THSD7B: variants seen among roughly 807,000 people sequenced by gnomAD.
The protein encoded by THSD7B is thrombospondin type 1 domain containing 7B.
THSD7B carries 138 observed loss-of-function variants against 213.6 expected under a neutral mutation model. The ratio of observed to expected loss-of-function variants is 0.65; its 90% CI spans 0.56 to 0.74. The LOEUF (loss-of-function observed/expected upper bound fraction) is 0.74. Among genes scored for constraint, THSD7B ranks in the 30% least tolerant of loss-of-function variants. The pLI is 0.00. For synonymous variants in THSD7B, 742 were observed against 687.0 expected (o/e 1.08, Z -1.25); for missense variants, 1,931 against 1,991.5 (o/e 0.97, Z 0.58).
intron 1 of THSD7B, among the ~76,000 whole-genome samples, chr2:136,871,702 C>T (rs546063626): frequency 2.6e-5 from 4 of 152,084 alleles, no homozygotes; most frequent in Non-Finnish European, 4.4e-5. Context: ...AGAAAGAAGC[C>T]GCATAAGTAA....
intron 2 of THSD7B, among the ~76,000 whole-genome samples, chr2:136,959,930 T>C (rs1685188588): frequency 6.6e-6 from 1 of 152,178 alleles, no homozygotes; most frequent in Non-Finnish European, 1.5e-5. Flanking sequence ...AGGAAGACAT[T>C]CTTAAATCAG....
At chr2:137,514,599 A>G (rs781273233) in intron 15 of THSD7B, among the ~76,000 whole-genome samples, 3 of 152,162 alleles carry the variant, frequency 2.0e-5, no homozygotes, top group African/African-American at 2.4e-5. Flanking sequence ...TTTTGGTACC[A>G]AGAGTGGTTC....
intron 12 of THSD7B, among the ~76,000 whole-genome samples, chr2:137,391,504 A>C (rs1328462654): frequency 6.6e-6 from 1 of 152,100 alleles, no homozygotes; most frequent in Admixed American, 6.5e-5. Flanking sequence ...CCTGGCCAAC[A>C]TAGTGAAGCC....
At chr2:137,310,066 C>G (rs1683856711) in intron 12 of THSD7B, among the ~76,000 whole-genome samples, 1 of 151,142 alleles carries the variant, frequency 6.6e-6, no homozygotes. Context: ...GTTCTAGATC[C>G]CTGAGGAATC....
intron 17 of THSD7B, among the ~76,000 whole-genome samples, chr2:137,600,448 T>C (rs1682054493): frequency 6.6e-6 from 1 of 152,176 alleles, no homozygotes; most frequent in Non-Finnish European, 1.5e-5. Context: ...TTTTAAAAGT[T>C]AACTACAGAC....
chr2:137,226,868 T>G (rs980703167), intron 7 of THSD7B, among the ~76,000 whole-genome samples: 4 of 152,174 alleles, frequency 2.6e-5, no homozygotes, highest in Admixed American at 2.6e-4. Flanking sequence ...ATAAACACAT[T>G]TCAGTATATA....
intron 2 of THSD7B, among the ~76,000 whole-genome samples, chr2:136,970,318 G>C (rs1200894509): frequency 6.6e-6 from 1 of 151,894 alleles, no homozygotes; most frequent in Non-Finnish European, 1.5e-5. Context: ...ACAAAAATTA[G>C]CCAGGCCTGG....
At chr2:137,206,427 A>T (rs1235448399) in intron 7 of THSD7B, among the ~76,000 whole-genome samples, 4 of 152,090 alleles carry the variant, frequency 2.6e-5, no homozygotes, top group African/African-American at 9.7e-5. Context: ...ACATGTAGCT[A>T]GTTGCCACTC....
chr2:137,139,090 A>G (rs551015143), intron 5 of THSD7B, among the ~76,000 whole-genome samples: 1 of 151,976 alleles, frequency 6.6e-6, no homozygotes, highest in Non-Finnish European at 1.5e-5. Flanking sequence ...TTTCAATTTT[A>G]TATTGGTTTT....
chr2:137,044,700 TTC>T (rs1686939596), intron 2 of THSD7B, among the ~76,000 whole-genome samples: 1 of 152,170 alleles, frequency 6.6e-6, no homozygotes, highest in Non-Finnish European at 1.5e-5. Flanking sequence ...GTCCCTCTTT[TTC>T]TCTCTCTCAG....
intron 17 of THSD7B, among the ~76,000 whole-genome samples, chr2:137,605,413 G>A (rs1303910338): frequency 1.3e-5 from 2 of 152,186 alleles, no homozygotes; most frequent in East Asian, 3.9e-4. Context: ...ACTTAACAGT[G>A]TCAGGCACAT....
rs1022821172 is a variant in THSD7B, at chr2:137,272,441, ATC to A, written c.2267-82_2267-81del. On this transcript the variant is annotated intron_variant, in intron 10 of 27. Coordinates refer to ENST00000409968, the MANE Select transcript of THSD7B (RefSeq NM_001316349.2). ...TTGACTTTCCACATGTGCTTACTTT[ATC>A]TCTCTCTCTTTTTTTTCAATTGCTA... The A allele has an allele frequency of 4.9e-4, 651 of 1,320,636 alleles. 4 individuals carry two copies. The highest frequency in any genetic ancestry group is 9.6e-5 in the Non-Finnish European group (95 of 987,834). 81.8% of individuals were successfully genotyped at this position (1,320,636 alleles called of 1,614,324 possible). A position where few individuals can be genotyped will look rare whatever the true frequency, so the allele number is the denominator to read the frequency against.
At position 137,136,794 on chromosome 2, in the gene THSD7B, A is replaced by G. The variant is rs113332629; in HGVS notation, c.1369+21501A>G. 5.7e-3 allele frequency among the ~76,000 whole-genome samples: 865 copies of G among 152,300 alleles called. 2 individuals carry two copies. The highest frequency in any genetic ancestry group is 9.1e-3 in the Non-Finnish European group (617 of 68,022). On this transcript the variant is annotated intron_variant, in intron 5 of 27. Transcript: ENST00000409968. The stretch of plus-strand genomic sequence containing the variant: ...TATGTCATTTTCTTCTTTAAATGCA[A>G]AACTTTCATCTTAATTTTTTTCTGA...
chr2:137,053,396 C>A (rs1269119263), intron 2 of THSD7B, among the ~76,000 whole-genome samples: 1 of 151,826 alleles, frequency 6.6e-6, no homozygotes, highest in Non-Finnish European at 1.5e-5. Flanking sequence ...AAAAATTTTG[C>A]TGCTTGATGA....
intron 3 of THSD7B, among the ~76,000 whole-genome samples, chr2:137,078,048 A>G (rs1425271186): frequency 2.6e-5 from 4 of 152,222 alleles, no homozygotes; most frequent in Non-Finnish European, 5.9e-5. Flanking sequence ...ACATTTGGCT[A>G]GCCAGTTTTC....
intron 15 of THSD7B, among the ~76,000 whole-genome samples, chr2:137,543,056 G>A (rs1680638056): frequency 6.6e-6 from 1 of 151,732 alleles, no homozygotes; most frequent in Non-Finnish European, 1.5e-5. Context: ...GGCTCCAGGG[G>A]ACAAGCTATT....
At chr2:137,670,781 T>C (rs1031291861) in intron 27 of THSD7B, among the ~76,000 whole-genome samples, 23 of 151,762 alleles carry the variant, frequency 1.5e-4, no homozygotes, top group Middle Eastern at 3.4e-3. Context: ...ATTAGCCAGG[T>C]GTGGTGGCGG....
chr2:137,493,364 G>T (rs1679479337), intron 15 of THSD7B, among the ~76,000 whole-genome samples: 1 of 152,066 alleles, frequency 6.6e-6, no homozygotes, highest in African/African-American at 2.4e-5. Context: ...AAAGAGGCAG[G>T]TTAAATGTCA....
intron 2 of THSD7B, among the ~76,000 whole-genome samples, chr2:136,936,933 C>A (rs1443613888): frequency 6.6e-6 from 1 of 152,014 alleles, no homozygotes; most frequent in Admixed American, 6.6e-5. Context: ...CCAGTCATGT[C>A]TCTTCCCCTT....
Sources: allele counts gnomAD v4.1 joint callset (sites outside exome capture counted in the v4.1 genomes callset), GRCh38; gene constraint gnomAD v4.1.1; transcripts MANE v1.5; gene names NCBI Gene and HGNC (gene_info 2026-07-23, HGNC 2026-07-21).